The following STXBP5 variants were observed in gnomAD, a reference collection of about 807,000 sequenced individuals.
The protein encoded by STXBP5 is syntaxin binding protein 5, also known as syntaxin-binding protein 5.
In STXBP5, 50 loss-of-function variants were observed where a neutral mutation model predicts 152.4. That is an observed-to-expected ratio of 0.33 (90% CI 0.26 to 0.42). STXBP5 has a LOEUF of 0.42. Among genes scored for constraint, STXBP5 ranks in the 10% least tolerant of loss-of-function variants. The pLI is 1.00. For missense variants in STXBP5, 1,167 were observed against 1,388.6 expected, an observed-to-expected ratio of 0.84 and a Z score of 2.54; for synonymous variants, 492 against 494.7, an observed-to-expected ratio of 0.99 and a Z score of 0.07.
rs1272651990 is a variant in STXBP5 at position 147,327,156 on chromosome 6, A to G, written c.1960A>G (p.Met654Val). Residue 654 changes from methionine (M) to valine (V), a missense_variant, in exon 18 of 28, where the codon ATG (methionine) becomes GTG (valine). Coordinates refer to ENST00000321680, the MANE Select transcript of STXBP5 (RefSeq NM_001127715.4). ...TTTTGGCAATTGCAATGGCATTGCT[A>G]TGGTTGACTACCTCCAGAAAGCAGT... is the stretch of plus-strand genomic sequence containing the variant. Reference protein sequence around the residue: ...VVFGNCNGIAMVDYLQKAVLL... With the variant: ...VVFGNCNGIAVVDYLQKAVLL... 8 of 1,613,290 alleles carry G rather than the reference A, an allele frequency of 5.0e-6. No homozygotes were observed. Among genetic ancestry groups the G allele is most frequent in the South Asian group, 1.1e-5 (1 of 90,846 alleles).
intron 4 of STXBP5, among the ~76,000 whole-genome samples, chr6:147,243,301 C>A (rs1168990813): frequency 6.6e-6 from 1 of 152,082 alleles, no homozygotes; most frequent in Non-Finnish European, 1.5e-5. Context: ...TGTAGTGTTA[C>A]CTCATTGTTA....
At chr6:147,266,604 A>G (rs956049257) in intron 6 of STXBP5, among the ~76,000 whole-genome samples, 2 of 152,212 alleles carry the variant, frequency 1.3e-5, no homozygotes, top group African/African-American at 4.8e-5. Context: ...AGCAGATTAG[A>G]GAATATAATT....
At chr6:147,314,134 G>A in intron 12 of STXBP5, 103 bp downstream of exon 12, 3 of 1,466,084 alleles carry the variant, frequency 2.0e-6, no homozygotes, top group Non-Finnish European at 2.8e-6. Context: ...ATGGAAAATA[G>A]GTTAAAAATT....
chr6:147,207,248 A>T (rs1269673771), intron 2 of STXBP5, among the ~76,000 whole-genome samples: 1 of 152,198 alleles, frequency 6.6e-6, no homozygotes, highest in Non-Finnish European at 1.5e-5. Context: ...ATAGATAGAT[A>T]ATGCCTCAAG....
At position 147,244,660 on chromosome 6, in the gene STXBP5, T is replaced by C. The variant is rs184136236; in HGVS notation, c.431+5390T>C. Reference sequence around the variant, plus strand: ...AGCATTTAGAATCAGTGAAATACAGTTTTTGGTGATTTTGAAATTACATGA... The same window carrying C: ...AGCATTTAGAATCAGTGAAATACAGCTTTTGGTGATTTTGAAATTACATGA... On this transcript the variant is annotated intron_variant, in intron 4 of 27. Coordinates refer to ENST00000321680, the MANE Select transcript of STXBP5 (RefSeq NM_001127715.4). Among the ~76,000 whole-genome samples the C allele has an allele frequency of 6.1e-3, 921 of 152,104 alleles. 4 individuals carry two copies. Among genetic ancestry groups the C allele is most frequent in the Middle Eastern group, 0.027 (8 of 294 alleles).
At chr6:147,289,584 G>A (rs1147847) in intron 8 of STXBP5, among the ~76,000 whole-genome samples, 75,469 of 151,762 alleles carry the variant, frequency 0.5, 19,018 homozygotes, top group East Asian at 0.72. Flanking sequence ...AGCCTGGACA[G>A]TAAAATTTAT....
intron 26 of STXBP5, among the ~76,000 whole-genome samples, chr6:147,375,904 ATTATAT>A (rs1454235129): frequency 6.6e-6 from 1 of 152,052 alleles, no homozygotes; most frequent in Non-Finnish European, 1.5e-5. Context: ...AATTATATTG[ATTATAT>A]TTAATCCATA....
chr6:147,316,352 C>A lies in STXBP5; in HGVS notation c.1747C>A (p.Pro583Thr). The A allele has an allele frequency of 2.5e-6, 4 of 1,606,756 alleles. No homozygotes were observed. The highest frequency in any genetic ancestry group is 2.5e-6 in the Non-Finnish European group (3 of 1,177,512). The change falls in exon 16 of 28, where the codon CCA (proline) becomes ACA (threonine). Residue 583 changes from proline (P) to threonine (T), a missense_variant. Pro to Thr is a conservative substitution (Grantham distance 38). Around this residue, in one of 3 missense-constraint regions of STXBP5, gnomAD observed 833 missense variants for 986.3 expected, o/e 0.84. Transcript: ENST00000321680. ...TCAGCCCATCCCTCCTCAGTCTCAT[C>A]CATCTACCAGTAGCAGTTCATCTGA... ...NPQPIPPQSH[P>T]STSSSSSDGL... is the part of the protein sequence containing the mutation.
At chr6:147,283,760 C>T (rs1293411998) in intron 8 of STXBP5, among the ~76,000 whole-genome samples, 2 of 152,148 alleles carry the variant, frequency 1.3e-5, no homozygotes, top group African/African-American at 2.4e-5. Flanking sequence ...CATCATAAAT[C>T]CCACTGTCCT....
At chr6:147,210,650 G>A (rs114664161) in intron 2 of STXBP5, among the ~76,000 whole-genome samples, 1 of 152,058 alleles carries the variant, frequency 6.6e-6, no homozygotes, top group Non-Finnish European at 1.5e-5. Context: ...CACACTTCCA[G>A]GTGCCCCTGG....
intron 7 of STXBP5, among the ~76,000 whole-genome samples, chr6:147,275,396 A>G (rs1408279205): frequency 6.7e-6 from 1 of 150,002 alleles, no homozygotes; most frequent in Non-Finnish European, 1.5e-5. Context: ...TTTTTTCTCT[A>G]CCCTGGATTC....
chr6:147,206,407 A>T (rs761400196), intron 2 of STXBP5, among the ~76,000 whole-genome samples: 2 of 152,346 alleles, frequency 1.3e-5, no homozygotes. Flanking sequence ...GTTAAGGATG[A>T]GGTTTAAAGA....
chr6:147,292,157 T>A (rs1298695517), intron 9 of STXBP5: 2 of 403,916 alleles, frequency 5.0e-6, no homozygotes, highest in African/African-American at 4.2e-5. Flanking sequence ...CTTTTTAATC[T>A]CCCCTCCCAT....
rs921454884 is a variant in STXBP5 at position 147,363,808 on chromosome 6, T to C, written c.2915+104T>C. ...TGCTTTTTGTGTGTGTATAGTCTTATACTCTGAGAATTTATTTTTATTCTG... is the reference window on the plus strand; with the variant it reads ...TGCTTTTTGTGTGTGTATAGTCTTACACTCTGAGAATTTATTTTTATTCTG... On this transcript the variant is annotated intron_variant, in intron 24 of 27. Transcript: ENST00000321680. 7.7e-5 allele frequency: 113 copies of C among 1,468,130 alleles called. 1 individual carries two copies. In the African/African-American group the frequency reaches 1.3e-3, roughly 17 times the overall value. The allele number at this position is 1,468,130 out of a possible 1,614,324, so 90.9% of individuals were successfully genotyped here. A position where few individuals can be genotyped will look rare whatever the true frequency, so the allele number is the denominator to read the frequency against.
At chr6:147,314,081 ATATT>A (rs1205049028) in intron 12 of STXBP5, 50 bp downstream of exon 12, 5 of 1,522,622 alleles carry the variant, frequency 3.3e-6, no homozygotes, top group African/African-American at 1.4e-5. Flanking sequence ...TATTTATTCT[ATATT>A]TATCACCTTG....
intron 8 of STXBP5, among the ~76,000 whole-genome samples, chr6:147,281,591 A>G (rs1780703955): frequency 6.6e-6 from 1 of 152,292 alleles, no homozygotes; most frequent in South Asian, 2.1e-4. Flanking sequence ...CTAGCCTTTT[A>G]CAATTGAGTA....
chr6:147,363,342 A>T lies in STXBP5; in HGVS notation c.2553A>T (p.Ile851=), dbSNP rs757885363. The T allele has an allele frequency of 6.3e-7, 1 of 1,589,954 alleles. No individual in the cohort carries two copies. Among genetic ancestry groups the T allele is most frequent in the Non-Finnish European group, 8.5e-7 (1 of 1,171,328 alleles). The change falls in exon 24 of 28, where the codon ATA becomes ATT. Residue 851 remains isoleucine, a synonymous_variant. Coordinates refer to ENST00000321680, the MANE Select transcript of STXBP5 (RefSeq NM_001127715.4). ...QPVIVSPSGT[I]LRLKGAILRM... is the part of the protein sequence containing the mutation. Reference sequence around the variant, plus strand: ...TAGACTTCTATATTTTAGGTACTATATTGAGGTTAAAAGGTGCAATCTTGA... The same window carrying T: ...TAGACTTCTATATTTTAGGTACTATTTTGAGGTTAAAAGGTGCAATCTTGA...
chr6:147,351,896 G>T lies in STXBP5; in HGVS notation c.2255-1427G>T, dbSNP rs1018355504. The T allele has an allele frequency of 3.0e-6, 3 of 985,150 alleles. No homozygotes were observed. In the African/African-American group the frequency reaches 5.2e-5, roughly 17 times the overall value. 61.0% of individuals were successfully genotyped at this position (985,150 alleles called of 1,614,324 possible). A position where few individuals can be genotyped will look rare whatever the true frequency, so the allele number is the denominator to read the frequency against. On this transcript the variant is annotated intron_variant, in intron 21 of 27. Coordinates refer to ENST00000321680, the MANE Select transcript of STXBP5 (RefSeq NM_001127715.4). ...CATGGCGCCCTTATGGACTAGCAGG[G>T]TCTGTGCTTTAAATATCTCCTAACA...
Position 147,325,057 on chromosome 6 carries a change from G to A in STXBP5, c.1901G>A (p.Ser634Asn). The A allele has an allele frequency of 6.4e-7, 1 of 1,573,322 alleles. No individual in the cohort carries two copies. Among genetic ancestry groups the A allele is most frequent in the Admixed American group, 1.8e-5 (1 of 56,332 alleles). The change falls in exon 17 of 28, where the codon AGC becomes AAC. Residue 634 changes from serine to asparagine, a missense_variant. By Grantham distance (46) the Ser-to-Asn change is conservative. This residue lies in a region of STXBP5 where 833 missense variants were observed against 986.3 expected (regional missense o/e 0.84). Transcript: ENST00000321680. The part of the protein sequence containing the change: ...VGGEPPQQIT[S>N]LAVNSSYGLV... ...GGAGAACCACCACAACAAATAACCA[G>A]CCTGGCAGTCAATTCTTCCTATGGA...
Sources: allele counts gnomAD v4.1 joint callset (sites outside exome capture counted in the v4.1 genomes callset), GRCh38; gene constraint gnomAD v4.1.1; regional missense constraint gnomAD v4.1.1; transcripts MANE v1.5; gene names NCBI Gene and HGNC (gene_info 2026-07-23, HGNC 2026-07-21).